The following DNAI1 variants were observed in gnomAD, a reference collection of about 807,000 sequenced individuals.
The protein encoded by DNAI1 is dynein axonemal intermediate chain 1.
In DNAI1, 67 loss-of-function variants were observed where a neutral mutation model predicts 92.0. The observed-to-expected ratio is 0.73, with a 90% confidence interval of 0.60 to 0.89. The LOEUF (loss-of-function observed/expected upper bound fraction) is 0.89, where lower values mean the gene tolerates loss of function less well. DNAI1 is among the 40% of genes least tolerant of loss of function. The pLI, the probability that DNAI1 is intolerant of heterozygous loss-of-function variation, is 0.00. For missense variants in DNAI1, 839 were observed against 866.6 expected (o/e 0.97, Z 0.40); for synonymous variants, 323 against 319.6 (o/e 1.01, Z -0.11).
chr9:34,461,376 C>T (rs748255616), intron 1 of DNAI1, among the ~76,000 whole-genome samples: 3 of 152,204 alleles, frequency 2.0e-5, no homozygotes, highest in Non-Finnish European at 2.9e-5. Context: ...AATTTACACA[C>T]GTATAAACCA....
At position 34,503,151 on chromosome 9, in the gene DNAI1, G is replaced by A. The variant is rs545347938; in HGVS notation, c.1063+1970G>A. Among the ~76,000 whole-genome samples, 5 of 152,284 alleles carry A rather than the reference G, an allele frequency of 3.3e-5. No homozygotes were observed. In the South Asian group the frequency reaches 6.2e-4, roughly 19 times the overall value. On this transcript the variant is annotated intron_variant, in intron 12 of 19. Coordinates refer to ENST00000242317, the MANE Select transcript of DNAI1 (RefSeq NM_012144.4). ...GTCACTGGCTCTGGGGTTGTTGGCC[G>A]GCTTTCAGATGAGCATCTATTCTCC...
At chr9:34,478,374 T>A (rs758517268) in intron 1 of DNAI1, among the ~76,000 whole-genome samples, 4 of 151,914 alleles carry the variant, frequency 2.6e-5, no homozygotes, top group Admixed American at 6.6e-5. Context: ...ATTGGAGAGA[T>A]CAGTGACATG....
intron 9 of DNAI1, among the ~76,000 whole-genome samples, chr9:34,493,692 C>CT (rs926676095): frequency 3.0e-4 from 45 of 152,134 alleles, no homozygotes; most frequent in African/African-American, 1.0e-3. Context: ...TCGGCAACGG[C>CT]TTATAGGATC....
Position 34,501,128 on chromosome 9 carries a change from T to C in DNAI1, c.1020-10T>C. ...TTCCTATGCCAATGGATTCATATTT[T>C]TTTTTGCAGGAATCCAAAGTACAGG... is the stretch of plus-strand genomic sequence containing the variant. On this transcript the variant is annotated splice_polypyrimidine_tract_variant and intron_variant, in intron 11 of 19. Transcript: ENST00000242317. 5 of 1,612,510 alleles carry C rather than the reference T, an allele frequency of 3.1e-6. No individual in the cohort carries two copies. Among genetic ancestry groups the C allele is most frequent in the Non-Finnish European group, 4.2e-6 (5 of 1,178,460 alleles).
intron 2 of DNAI1, among the ~76,000 whole-genome samples, chr9:34,484,650 A>G (rs1824435946): frequency 6.6e-6 from 1 of 152,232 alleles, no homozygotes. Context: ...CAAGGACCTA[A>G]TGGGACTGTG....
At chr9:34,472,709 C>G (rs969362732) in intron 1 of DNAI1, among the ~76,000 whole-genome samples, 2 of 152,010 alleles carry the variant, frequency 1.3e-5, no homozygotes, top group African/African-American at 4.8e-5. Flanking sequence ...TGAGACCAGC[C>G]TGGGCAACAT....
At chr9:34,476,401 G>A (rs1361386246) in intron 1 of DNAI1, among the ~76,000 whole-genome samples, 2 of 152,180 alleles carry the variant, frequency 1.3e-5, no homozygotes, top group Admixed American at 1.3e-4. Flanking sequence ...CTTCCTCTCT[G>A]CCCTTTGGCT....
intron 13 of DNAI1, among the ~76,000 whole-genome samples, chr9:34,509,053 A>T (rs1264331665): frequency 2.6e-5 from 4 of 151,952 alleles, no homozygotes; most frequent in Non-Finnish European, 5.9e-5. Flanking sequence ...CCTCTGGTTG[A>T]TCTCTGGAGT....
In DNAI1 at chr9:34,514,483, C is replaced by A. The variant is rs767703622; in HGVS notation, c.1659C>A (p.Thr553=). Residue 553 remains threonine, a synonymous_variant, in exon 17 of 20, where the codon ACC becomes ACA. Coordinates refer to ENST00000242317, the MANE Select transcript of DNAI1 (RefSeq NM_012144.4). ...VDTVSWNPYH[T]KVFMSCSSDW... is the part of the protein sequence containing the mutation. The stretch of plus-strand genomic sequence containing the variant: ...CTGTGTCCTGGAACCCATACCACAC[C>A]AAGGTCTTCATGTCCTGCAGCTCCG... 2 of 1,614,252 alleles carry A rather than the reference C, an allele frequency of 1.2e-6. No individual in the cohort carries two copies. Among genetic ancestry groups the A allele is most frequent in the Non-Finnish European group, 8.5e-7 (1 of 1,180,050 alleles).
intron 1 of DNAI1, among the ~76,000 whole-genome samples, chr9:34,466,680 A>G (rs1824044432): frequency 6.6e-6 from 1 of 152,242 alleles, no homozygotes; most frequent in African/African-American, 2.4e-5. Context: ...TACATAGATA[A>G]CCTAGAATTG....
chr9:34,485,013 A>G (rs1824442710), intron 2 of DNAI1, 129 bp from the exon 3 acceptor site: 3 of 874,620 alleles, frequency 3.4e-6, no homozygotes, highest in Non-Finnish European at 5.7e-6. Flanking sequence ...GTGGTATGTT[A>G]TACATTTTGT....
Position 34,472,556 on chromosome 9 carries a change from T to C in DNAI1, c.49-10892T>C, listed in dbSNP as rs565093488. Reference sequence around the variant, plus strand: ...AGGAAAGAAAAATTTATCATGTTGATTTTTACATTCTTAATTAGCATTTGA... The same window carrying C: ...AGGAAAGAAAAATTTATCATGTTGACTTTTACATTCTTAATTAGCATTTGA... On this transcript the variant is annotated intron_variant, in intron 1 of 19. Coordinates refer to ENST00000242317, the MANE Select transcript of DNAI1 (RefSeq NM_012144.4). Among the ~76,000 whole-genome samples, 5 of 152,332 alleles carry C rather than the reference T, an allele frequency of 3.3e-5. No individual in the cohort carries two copies. The South Asian group carries it at 1.0e-3, about 32-fold the overall frequency.
chr9:34,459,172 C>G lies in DNAI1; in HGVS notation c.48+119C>G. On this transcript the variant is annotated intron_variant, in intron 1 of 19. Transcript: ENST00000242317. ...CTCTGTTGACCCCAGCCTTCTCACC[C>G]CCGTGACCTCTGGTAAGTGCTCCCA... 3 of 977,394 alleles carry G rather than the reference C, an allele frequency of 3.1e-6. No individual in the cohort carries two copies. In the East Asian group the frequency reaches 7.5e-5, roughly 24 times the overall value. The allele number at this position is 977,394 out of a possible 1,614,324, so 60.5% of individuals were successfully genotyped here. A position where few individuals can be genotyped will look rare whatever the true frequency, so the allele number is the denominator to read the frequency against.
At chr9:34,461,057 G>A (rs976990440) in intron 1 of DNAI1, among the ~76,000 whole-genome samples, 15 of 152,096 alleles carry the variant, frequency 9.9e-5, no homozygotes, top group Admixed American at 9.2e-4. Flanking sequence ...TAGCCACGAT[G>A]GTCTTGGATC....
rs571168236 is a variant in DNAI1, at chr9:34,482,553, C to A, written c.49-895C>A. On this transcript the variant is annotated intron_variant, in intron 1 of 19. Transcript: ENST00000242317. ...TAGACATAAAGACTCTCCAAGTCCT[C>A]ACCAGAGCAGCTAGATACAGAGTGT... is the stretch of plus-strand genomic sequence containing the variant. Among the ~76,000 whole-genome samples, 4 of 151,848 alleles carry A rather than the reference C, an allele frequency of 2.6e-5. No homozygotes were observed. In the East Asian group the frequency reaches 7.7e-4, roughly 29 times the overall value.
rs763857544 is a variant in DNAI1 at position 34,490,002 on chromosome 9, T to C, written c.389-10T>C. The C allele has an allele frequency of 6.2e-7, 1 of 1,613,918 alleles. No homozygotes were observed. Among genetic ancestry groups the C allele is most frequent in the Non-Finnish European group, 8.5e-7 (1 of 1,179,904 alleles). The stretch of plus-strand genomic sequence containing the variant: ...TTAGACTTTGAACTCATTGGCAGTA[T>C]CCTACCAAGGTTCTCAGGAGTCTGT... On this transcript the variant is annotated splice_polypyrimidine_tract_variant and intron_variant, in intron 5 of 19. Transcript: ENST00000242317.
intron 7 of DNAI1, 46 bp from the exon 8 acceptor site, chr9:34,491,449 A>G: frequency 6.2e-7 from 1 of 1,604,440 alleles, no homozygotes; most frequent in Non-Finnish European, 8.5e-7. Flanking sequence ...TTAAGTGAGA[A>G]GGAGTTGAGG....
At chr9:34,513,075 G>T in intron 15 of DNAI1, 37 bp from the exon 16 acceptor site, 2 of 1,580,768 alleles carry the variant, frequency 1.3e-6, no homozygotes, top group South Asian at 2.2e-5. Flanking sequence ...CTCCCTCTTG[G>T]AACTGGGCTA....
intron 13 of DNAI1, among the ~76,000 whole-genome samples, chr9:34,510,765 C>A (rs988030843): frequency 1.3e-5 from 2 of 152,152 alleles, no homozygotes; most frequent in South Asian, 2.1e-4. Context: ...TACAGCCTGG[C>A]CTTTGACACC....
Sources: gnomAD v4.1 joint callset for allele counts (sites outside exome capture counted in the v4.1 genomes callset) on GRCh38, gnomAD v4.1.1 for gene constraint, MANE v1.5 for transcripts, NCBI Gene and HGNC (gene_info 2026-07-23, HGNC 2026-07-21) for gene names.